The following CFTR variants were observed in gnomAD, a reference collection of about 807,000 sequenced individuals.
The protein encoded by CFTR is cystic fibrosis transmembrane conductance regulator.
CFTR carries 181 observed loss-of-function variants against 171.6 expected under a neutral mutation model. That is an observed-to-expected ratio of 1.05 (90% CI 0.93 to 1.19). The LOEUF is 1.19. CFTR is among the 50% of genes most tolerant of loss of function. The pLI is 0.00. For missense variants in CFTR, 1,968 were observed against 1,734.7 expected (o/e 1.13, Z -2.39); for synonymous variants, 583 against 608.0 (o/e 0.96, Z 0.60).
At chr7:117,551,434 G>T (rs1032876235) in intron 10 of CFTR, among the ~76,000 whole-genome samples, 2 of 152,030 alleles carry the variant, frequency 1.3e-5, no homozygotes, top group African/African-American at 4.8e-5. Context: ...CTGAAATTTT[G>T]GGTATATTTT....
At chr7:117,522,085 C>G (rs1798693644) in intron 3 of CFTR, among the ~76,000 whole-genome samples, 1 of 152,176 alleles carries the variant, frequency 6.6e-6, no homozygotes, top group Non-Finnish European at 1.5e-5. Context: ...GGAGGCTGAT[C>G]TAAATTGAGT....
At chr7:117,501,776 C>CAAAAAAAAAAAAAAAAAAAAAAAAAAAA (rs796991857) in intron 1 of CFTR, among the ~76,000 whole-genome samples, 16 of 84,332 alleles carry the variant, frequency 1.9e-4, no homozygotes, top group Non-Finnish European at 3.8e-4. Context: ...AAAAAAGAAA[C>CAAAAAAAAAAAAAAAAAAAAAAAAAAAA]AAAAAAAAAA....
At chr7:117,605,221 G>A (rs1792283658) in intron 17 of CFTR, among the ~76,000 whole-genome samples, 1 of 151,962 alleles carries the variant, frequency 6.6e-6, no homozygotes, top group Non-Finnish European at 1.5e-5. Context: ...AATATAATAA[G>A]CACCAGGATG....
In CFTR at chr7:117,571,578, T is replaced by A. The variant is rs538234299; in HGVS notation, c.1584+11923T>A. Among the ~76,000 whole-genome samples, 76 of 152,160 alleles carry A rather than the reference T, an allele frequency of 5.0e-4. 1 individual carries two copies. Among genetic ancestry groups the A allele is most frequent in the African/African-American group, 1.8e-3 (74 of 41,508 alleles). On this transcript the variant is annotated intron_variant, in intron 11 of 26. Coordinates refer to ENST00000003084, the MANE Select transcript of CFTR (RefSeq NM_000492.4). ...ATCCAGAAATCTATAGCTAGATGAGTTTAAGGTAGAGCCAGAATAAGAAAA... is the reference window on the plus strand; with the variant it reads ...ATCCAGAAATCTATAGCTAGATGAGATTAAGGTAGAGCCAGAATAAGAAAA...
chr7:117,576,014 A>G (rs975028037), intron 11 of CFTR, among the ~76,000 whole-genome samples: 1 of 152,106 alleles, frequency 6.6e-6, no homozygotes, highest in Non-Finnish European at 1.5e-5. Flanking sequence ...TCATAAATAT[A>G]TTATTCTATA....
intron 9 of CFTR, among the ~76,000 whole-genome samples, chr7:117,547,149 T>C (rs990206717): frequency 1.3e-5 from 2 of 152,186 alleles, no homozygotes; most frequent in African/African-American, 4.8e-5. Context: ...TAGCTACCCA[T>C]ATAATAAAAA....
intron 11 of CFTR, chr7:117,564,926 G>T (rs1489447677): frequency 6.6e-6 from 1 of 152,396 alleles, no homozygotes; most frequent in African/African-American, 2.4e-5. Context: ...CATGGAGATA[G>T]TTCTGTGTTG....
intron 23 of CFTR, 80 bp downstream of exon 23, chr7:117,642,673 T>C (rs1341144656): frequency 7.1e-7 from 1 of 1,415,296 alleles, no homozygotes; most frequent in Non-Finnish European, 9.8e-7. Flanking sequence ...CTCAAGAAAT[T>C]CATATTACTC....
At chr7:117,521,355 G>C (rs1249953514) in intron 3 of CFTR, among the ~76,000 whole-genome samples, 4 of 151,928 alleles carry the variant, frequency 2.6e-5, no homozygotes, top group Non-Finnish European at 5.9e-5. Context: ...GTAATAGCTA[G>C]TATTCTGTTT....
chr7:117,515,209 T>C (rs1798579472), intron 3 of CFTR, among the ~76,000 whole-genome samples: 1 of 152,170 alleles, frequency 6.6e-6, no homozygotes, highest in Non-Finnish European at 1.5e-5. Flanking sequence ...GGCATTTTCC[T>C]CGTGAAGTCT....
At chr7:117,578,105 T>A (rs2402228) in intron 11 of CFTR, among the ~76,000 whole-genome samples, 58,064 of 151,846 alleles carry the variant, frequency 0.38, 15,036 homozygotes, top group African/African-American at 0.73. Context: ...GTATATTCAA[T>A]TGTATATGTG....
At position 117,565,364 on chromosome 7, in the gene CFTR, T is replaced by C. The variant is rs190369198; in HGVS notation, c.1584+5709T>C. 7.2e-5 allele frequency among the ~76,000 whole-genome samples: 11 copies of C among 152,344 alleles called. No homozygotes were observed. In the East Asian group the frequency reaches 1.3e-3, roughly 19 times the overall value. On this transcript the variant is annotated intron_variant, in intron 11 of 26. Transcript: ENST00000003084. ...TTAATTTCCAGACTACCACTTCTCC[T>C]GCACTTGACAATACCGCAGTCTACC...
intron 18 of CFTR, among the ~76,000 whole-genome samples, chr7:117,607,222 T>C (rs1280283956): frequency 6.6e-6 from 1 of 151,874 alleles, no homozygotes; most frequent in African/African-American, 2.4e-5. Flanking sequence ...GTAAGGACCA[T>C]AAGGAAGGGA....
chr7:117,648,035 T>TAC (rs1429902789), intron 23 of CFTR, among the ~76,000 whole-genome samples: 2 of 147,358 alleles, frequency 1.4e-5, no homozygotes, highest in South Asian at 2.1e-4. Context: ...TATATATATA[T>TAC]ACACACACAC....
At position 117,592,184 on chromosome 7, in the gene CFTR, G is replaced by T. The variant is rs397508331; in HGVS notation, c.2017G>T (p.Gly673Ter). ...TETLHRFSLE[G>*]DAPVSWTETK... Reference sequence around the variant, plus strand: ...GACCTTACACCGTTTCTCATTAGAAGGAGATGCTCCTGTCTCCTGGACAGA... The same window carrying T: ...GACCTTACACCGTTTCTCATTAGAATGAGATGCTCCTGTCTCCTGGACAGA... The change falls in exon 14 of 27, where the codon GGA becomes TGA. Residue 673 changes from glycine (G) to a stop codon, truncating the protein, a stop_gained. Transcript: ENST00000003084. LOFTEE classifies it high-confidence loss of function. 6.2e-7 allele frequency: 1 copy of T among 1,613,946 alleles called. No individual in the cohort carries two copies. The highest frequency in any genetic ancestry group is 8.5e-7 in the Non-Finnish European group (1 of 1,180,010).
In CFTR at chr7:117,665,533, T is replaced by A; in HGVS notation, c.4211T>A (p.Ile1404Lys). Residue 1404 changes from isoleucine to lysine, a missense_variant, in exon 26 of 27, where the codon ATA becomes AAA. Ile to Lys is a moderately radical substitution (Grantham distance 102). Coordinates refer to ENST00000003084, the MANE Select transcript of CFTR (RefSeq NM_000492.4). ...ACAGTAATTCTCTGTGAACACAGGA[T>A]AGAAGCAATGCTGGAATGCCAACAA... ...DCTVILCEHR[I>K]EAMLECQQFL... The A allele has an allele frequency of 6.2e-7, 1 of 1,613,038 alleles. No homozygotes were observed. Among genetic ancestry groups the A allele is most frequent in the Non-Finnish European group, 8.5e-7 (1 of 1,179,160 alleles).
chr7:117,649,469 T>G (rs1393996244), intron 23 of CFTR, among the ~76,000 whole-genome samples: 1 of 147,478 alleles, frequency 6.8e-6, no homozygotes, highest in Admixed American at 6.8e-5. Flanking sequence ...TGCATATATC[T>G]GTACATATAT....
chr7:117,642,749 A>G (rs572844603), intron 23 of CFTR, among the ~76,000 whole-genome samples, 156 bp downstream of exon 23: 11 of 152,312 alleles, frequency 7.2e-5, no homozygotes, highest in African/African-American at 2.2e-4. Flanking sequence ...TAGGCAGAAA[A>G]GATGTCTCTA....
intron 12 of CFTR, among the ~76,000 whole-genome samples, chr7:117,589,040 G>A (rs1791989297): frequency 6.6e-6 from 1 of 152,052 alleles, no homozygotes; most frequent in African/African-American, 2.4e-5. Flanking sequence ...ATAGAACTGA[G>A]TTTGTGTTAT....
Sources: gnomAD v4.1 joint callset for allele counts (sites outside exome capture counted in the v4.1 genomes callset) on GRCh38, gnomAD v4.1.1 for gene constraint, MANE v1.5 for transcripts, NCBI Gene and HGNC (gene_info 2026-07-23, HGNC 2026-07-21) for gene names.